Variants in ADAMTS10 observed in about 807,000 individuals in gnomAD.
The protein encoded by ADAMTS10 is A disintegrin and metalloproteinase with thrombospondin motifs 10.
Under a neutral mutation model 135.9 loss-of-function variants are expected in ADAMTS10, and 48 were observed. The ratio of observed to expected loss-of-function variants is 0.35; its 90% CI spans 0.28 to 0.45. ADAMTS10 has a LOEUF of 0.45. Ranked by LOEUF, ADAMTS10 falls within the 20% of genes least tolerant of loss-of-function variation. The probability of loss-of-function intolerance (pLI) is 1.00; values close to 1 mark genes in which losing one functional copy is unlikely to be tolerated. For missense variants in ADAMTS10, 1,131 were observed against 1,565.2 expected (o/e 0.72, Z 4.68); for synonymous variants, 621 against 647.5 (o/e 0.96, Z 0.62).
chr19:8,597,829 G>GT (rs1209602360), intron 6 of ADAMTS10, among the ~76,000 whole-genome samples: 1 of 151,478 alleles, frequency 6.6e-6, no homozygotes, highest in African/African-American at 2.4e-5. Flanking sequence ...TTGAGACAGA[G>GT]TTTTGCTCTT....
chr19:8,598,754 T>C (rs936752184), intron 6 of ADAMTS10, among the ~76,000 whole-genome samples: 1 of 151,718 alleles, frequency 6.6e-6, no homozygotes, highest in East Asian at 1.9e-4. Flanking sequence ...TTTGTATTTT[T>C]AGTAGGGACA....
At chr19:8,603,023 C>T (rs1263382327) in intron 5 of ADAMTS10, among the ~76,000 whole-genome samples, 1 of 152,150 alleles carries the variant, frequency 6.6e-6, no homozygotes, top group Admixed American at 6.6e-5. Context: ...ATTGTACAAC[C>T]ATCCTCCTAC....
At chr19:8,597,665 G>T (rs1392803492) in intron 6 of ADAMTS10, among the ~76,000 whole-genome samples, 1 of 151,844 alleles carries the variant, frequency 6.6e-6, no homozygotes, top group Admixed American at 6.6e-5. Context: ...TTTTGAGATG[G>T]AGTCTCGCTC....
chr19:8,586,859 G>C lies in ADAMTS10; in HGVS notation c.2196C>G (p.Val732=). 6.2e-7 allele frequency: 1 copy of C among 1,614,160 alleles called. No individual in the cohort carries two copies. Among genetic ancestry groups the C allele is most frequent in the Non-Finnish European group, 8.5e-7 (1 of 1,180,026 alleles). Residue 732 remains valine, a synonymous_variant, in exon 19 of 26, where the codon GTC becomes GTG. Transcript: ENST00000597188. ...GGTTCAGATCCTGGATGAAGATGTG[G>C]ACGGAGCCTTTGGGAATCCAGACGA... ...EDVVWIPKGS[V]HIFIQDLNLS...
rs782014221 is a variant in ADAMTS10, at chr19:8,601,018, G to A, written c.720C>T (p.Tyr240=). Reference sequence around the variant, plus strand: ...TGTCAGCCACCACCAGGGTCTCCACGTAGCGCTCTCGGCTGACCGATCGCT... The same window carrying A: ...TGTCAGCCACCACCAGGGTCTCCACATAGCGCTCTCGGCTGACCGATCGCT... The part of the protein sequence containing the change: ...GLKRSVSRER[Y]VETLVVADKM... Residue 240 remains tyrosine, a synonymous_variant, in exon 6 of 26, where the codon TAC becomes TAT. Coordinates refer to ENST00000597188, the MANE Select transcript of ADAMTS10 (RefSeq NM_030957.4). This position sits in a 1 kb window ranked among gnomAD's most constrained non-coding sequence, Gnocchi z 4.6. 2.0e-5 allele frequency: 32 copies of A among 1,614,164 alleles called. No homozygotes were observed. Among genetic ancestry groups the A allele is most frequent in the Middle Eastern group, 1.6e-4 (1 of 6,062 alleles).
intron 2 of ADAMTS10, among the ~76,000 whole-genome samples, chr19:8,607,655 G>A (rs2042735097): frequency 6.6e-6 from 1 of 152,132 alleles, no homozygotes; most frequent in Non-Finnish European, 1.5e-5. Flanking sequence ...GAGGGAGCCA[G>A]GTTTTTGCCA....
intron 18 of ADAMTS10, among the ~76,000 whole-genome samples, chr19:8,588,495 C>G (rs1403960874): frequency 6.6e-6 from 1 of 152,112 alleles, no homozygotes; most frequent in Admixed American, 6.6e-5. Flanking sequence ...TGGACACACT[C>G]CCTCCCTCTG....
In ADAMTS10 at chr19:8,589,602, C is replaced by T. The variant is rs377649158; in HGVS notation, c.1901-17G>A. 1.4e-5 allele frequency: 23 copies of T among 1,612,982 alleles called. No homozygotes were observed. The highest frequency in any genetic ancestry group is 1.6e-4 in the Middle Eastern group (1 of 6,078). ...TCACGCCCCCTGGGGGGCACGGCCC[C>T]GTCACACCACGGGCCAGGCCACCCC... On this transcript the variant is annotated splice_polypyrimidine_tract_variant and intron_variant, in intron 16 of 25. Transcript: ENST00000597188.
intron 22 of ADAMTS10, 118 bp from the exon 23 acceptor site, chr19:8,585,778 CA>C: frequency 9.4e-7 from 1 of 1,065,982 alleles, no homozygotes; most frequent in Non-Finnish European, 1.4e-6. Flanking sequence ...TGGAAACTGG[CA>C]CCAGGCACCT....
rs376876724 is a variant in ADAMTS10, at chr19:8,586,455, C to T, written c.2419G>A (p.Glu807Lys). 1.6e-5 allele frequency: 26 copies of T among 1,613,572 alleles called. No individual in the cohort carries two copies. Among genetic ancestry groups the T allele is most frequent in the South Asian group, 7.7e-5 (7 of 91,078 alleles). ...AAGCGGTAGCGGAGGGCAGGCAGCT[C>T]GGTCCGGGCCAGCACCTGGAGAAAG... ...SLIVMVLART[E>K]LPALRYRFNA... Residue 807 changes from glutamate (E) to lysine (K), a missense_variant, in exon 21 of 26, where the codon GAG (glutamate) becomes AAG (lysine). Transcript: ENST00000597188.
chr19:8,603,686 T>C, intron 5 of ADAMTS10, 42 bp downstream of exon 5: 2 of 1,613,072 alleles, frequency 1.2e-6, no homozygotes. Context: ...AAGGGAAAGA[T>C]ACTGTGTAGC....
At chr19:8,589,398 C>CAA in intron 17 of ADAMTS10, 33 bp from the exon 18 acceptor site, 2 of 1,607,224 alleles carry the variant, frequency 1.2e-6, no homozygotes, top group Non-Finnish European at 1.7e-6. Flanking sequence ...AGGCGACCCC[C>CAA]TAACCCACCC....
intron 12 of ADAMTS10, among the ~76,000 whole-genome samples, chr19:8,593,826 A>G (rs1555739669): frequency 6.6e-6 from 1 of 152,136 alleles, no homozygotes; most frequent in African/African-American, 2.4e-5. Flanking sequence ...GTCCTTCTGT[A>G]ATTATCAAGT....
rs1265507608 is a variant in ADAMTS10, at chr19:8,596,025, C to T, written c.1337+48G>A. On this transcript the variant is annotated intron_variant, in intron 11 of 25. Coordinates refer to ENST00000597188, the MANE Select transcript of ADAMTS10 (RefSeq NM_030957.4). The surrounding 1 kb of genome is among the most constrained non-coding windows in gnomAD (Gnocchi z 7.2). ...TCTATCGTCTCCCGTGTACCCTGCCCCACCATGAGTGTGACCCGCTCTGAG... is the reference window on the plus strand; with the variant it reads ...TCTATCGTCTCCCGTGTACCCTGCCTCACCATGAGTGTGACCCGCTCTGAG... 4.3e-6 allele frequency: 7 copies of T among 1,613,812 alleles called. No homozygotes were observed. The highest frequency in any genetic ancestry group is 2.2e-5 in the South Asian group (2 of 91,078).
In ADAMTS10 at chr19:8,584,747, G is replaced by C. The variant is rs1327729635; in HGVS notation, c.3202+148C>G. ...GGCACTTAATAAATGCTTGCAGGGA[G>C]GGGATGGTGAAGGATGGCCTGGCAG... On this transcript the variant is annotated intron_variant, in intron 25 of 25. Transcript: ENST00000597188. 8 of 1,169,804 alleles carry C rather than the reference G, an allele frequency of 6.8e-6. No homozygotes were observed. The African/African-American group carries it at 1.2e-4, about 18-fold the overall frequency. The allele number at this position is 1,169,804 out of a possible 1,614,324, so 72.5% of individuals were successfully genotyped here.
chr19:8,590,156 G>A (rs1368056264), intron 15 of ADAMTS10, among the ~76,000 whole-genome samples, 165 bp from the exon 16 acceptor site: 1 of 152,156 alleles, frequency 6.6e-6, no homozygotes, highest in Admixed American at 6.5e-5. Flanking sequence ...GGTAGCCTGG[G>A]CTGGGCGTGT....
intron 22 of ADAMTS10, 103 bp downstream of exon 22, chr19:8,586,019 A>T: frequency 1.3e-6 from 2 of 1,576,586 alleles, no homozygotes; most frequent in Non-Finnish European, 1.7e-6. Flanking sequence ...TGTCACTCCG[A>T]CTCTGCACTA....
chr19:8,602,874 G>A (rs1431956024), intron 5 of ADAMTS10, among the ~76,000 whole-genome samples: 4 of 152,152 alleles, frequency 2.6e-5, no homozygotes, highest in East Asian at 1.9e-4. Context: ...TGATTTTCCC[G>A]CCTCAACTTC....
intron 6 of ADAMTS10, among the ~76,000 whole-genome samples, chr19:8,598,784 A>G (rs945963484): frequency 6.6e-6 from 1 of 151,860 alleles, no homozygotes; most frequent in African/African-American, 2.4e-5. Context: ...CATGTTGGCC[A>G]GGCTTGTTTC....
Sources: allele counts gnomAD v4.1 joint callset (sites outside exome capture counted in the v4.1 genomes callset), GRCh38; gene constraint gnomAD v4.1.1; non-coding constraint Gnocchi (gnomAD v3.1); transcripts MANE v1.5; gene names NCBI Gene and HGNC (gene_info 2026-07-23, HGNC 2026-07-21).